The following NFIB variants were observed in gnomAD, a reference collection of about 807,000 sequenced individuals.
NFIB encodes the protein nuclear factor 1 B-type.
Under a neutral mutation model 61.5 loss-of-function variants are expected in NFIB, and 11 were observed. That is an observed-to-expected ratio of 0.18 (90% confidence interval 0.11 to 0.30). The LOEUF is 0.30. NFIB is among the 10% of genes least tolerant of loss of function. The pLI, the probability that NFIB is intolerant of heterozygous loss-of-function variation, is 1.00. For missense variants in NFIB, 471 were observed against 608.9 expected, an observed-to-expected ratio of 0.77 and a Z score of 2.38; for synonymous variants, 260 against 216.5, an observed-to-expected ratio of 1.20 and a Z score of -1.76.
chr9:14,249,416 A>C (rs2055319986), intron 2 of NFIB, among the ~76,000 whole-genome samples: 1 of 152,164 alleles, frequency 6.6e-6, no homozygotes, highest in Non-Finnish European at 1.5e-5. Flanking sequence ...CCTTTGTTTT[A>C]TGCTCTTATA....
At chr9:14,513,563 G>C in the NFIB span, among the ~76,000 whole-genome samples, 1 of 151,642 alleles carries the variant, frequency 6.6e-6, no homozygotes, top group East Asian at 1.9e-4. Flanking sequence ...GGGAGCCGGA[G>C]GGTGCAGTGA....
At chr9:14,510,109 A>G in the NFIB span, among the ~76,000 whole-genome samples, 5 of 152,284 alleles carry the variant, frequency 3.3e-5, no homozygotes, top group Non-Finnish European at 5.9e-5. Flanking sequence ...TTGGCCAGGC[A>G]GATCTTGAAC....
intron 1 of NFIB, among the ~76,000 whole-genome samples, chr9:14,341,856 T>C (rs921623087): frequency 2.6e-5 from 4 of 151,088 alleles, no homozygotes; most frequent in Non-Finnish European, 5.9e-5. Flanking sequence ...TCTCCATCAG[T>C]GAGTGCTTCC....
At chr9:14,105,699 T>A in intron 10 of NFIB, among the ~76,000 whole-genome samples, 1 of 152,178 alleles carries the variant, frequency 6.6e-6, no homozygotes, top group East Asian at 1.9e-4. Context: ...AGAAAATCAA[T>A]TTCTAATCTT....
intron 8 of NFIB, 135 bp from the exon 9 acceptor site, chr9:14,116,481 G>C (rs2038163069): frequency 1.2e-6 from 1 of 869,354 alleles, no homozygotes; most frequent in Non-Finnish European, 1.6e-6. Context: ...TCTCGAGTCG[G>C]AGTCGGAGAG....
At chr9:14,169,905 G>C (rs908354868) in intron 3 of NFIB, among the ~76,000 whole-genome samples, 1 of 152,174 alleles carries the variant, frequency 6.6e-6, no homozygotes, top group African/African-American at 2.4e-5. Context: ...TCACGGAGAA[G>C]GAAAGAAAAA....
In NFIB at chr9:14,355,039, G is replaced by A. The variant is rs563107288; in HGVS notation, c.108+43485C>T. 1.8e-4 allele frequency among the ~76,000 whole-genome samples: 27 copies of A among 151,030 alleles called. No homozygotes were observed. In the South Asian group the frequency reaches 4.6e-3, roughly 26 times the overall value. ...ACCCCTGCTTCAGGGATGGGGAGAT[G>A]CTGTGTGTGTGTGAGCATGTTTGGG... On this transcript the variant is annotated intron_variant, in intron 1 of 8. Transcript: ENST00000380934.
upstream of NFIB, among the ~76,000 whole-genome samples, chr9:14,399,378 C>T (rs1310908712): frequency 6.6e-6 from 1 of 152,162 alleles, no homozygotes; most frequent in Non-Finnish European, 1.5e-5. Flanking sequence ...TTGCAGCTGA[C>T]ATTAACACAG....
At chr9:14,488,286 C>T in the NFIB span, among the ~76,000 whole-genome samples, 1 of 151,610 alleles carries the variant, frequency 6.6e-6, no homozygotes. Context: ...TCACTTGAGC[C>T]CAGGAGGTAA....
chr9:14,321,769 A>T (rs1345170035), intron 1 of NFIB, among the ~76,000 whole-genome samples: 3 of 152,238 alleles, frequency 2.0e-5, no homozygotes, highest in Non-Finnish European at 4.4e-5. Flanking sequence ...TAGTTCTGCA[A>T]ATGCAGCACT....
At chr9:14,103,195 C>T (rs1276556759) in intron 10 of NFIB, among the ~76,000 whole-genome samples, 1 of 152,160 alleles carries the variant, frequency 6.6e-6, no homozygotes, top group African/African-American at 2.4e-5. Context: ...CTTCCCAGAT[C>T]TCCGAATCAT....
intron 3 of NFIB, among the ~76,000 whole-genome samples, chr9:14,172,097 C>G (rs55889691): frequency 0.024 from 3,576 of 152,124 alleles, 136 homozygotes; most frequent in African/African-American, 0.079. Flanking sequence ...AAGAACAGGA[C>G]AGAAAGAAAC....
intron 10 of NFIB, among the ~76,000 whole-genome samples, chr9:14,089,208 A>G (rs2033419681): frequency 6.6e-6 from 1 of 151,966 alleles, no homozygotes; most frequent in Non-Finnish European, 1.5e-5. Flanking sequence ...GCTCCTCCCC[A>G]TCAGTAATGA....
chr9:14,253,159 T>C (rs940327061), intron 2 of NFIB, among the ~76,000 whole-genome samples: 6 of 152,244 alleles, frequency 3.9e-5, no homozygotes, highest in African/African-American at 1.4e-4. Context: ...ACAGTTAGTG[T>C]TCCCTGATGG....
At chr9:14,479,520 G>C in the NFIB span, among the ~76,000 whole-genome samples, 26 of 152,146 alleles carry the variant, frequency 1.7e-4, no homozygotes, top group Admixed American at 2.0e-4. Context: ...TCATACACAG[G>C]ACAGTTCCTT....
chr9:14,249,663 A>G (rs1183354560), intron 2 of NFIB, among the ~76,000 whole-genome samples: 4 of 152,032 alleles, frequency 2.6e-5, no homozygotes, highest in Non-Finnish European at 5.9e-5. Flanking sequence ...AAAAATAGAA[A>G]GGAAGGAAGA....
intron 1 of NFIB, among the ~76,000 whole-genome samples, chr9:14,311,510 T>C (rs1019987794): frequency 1.3e-5 from 2 of 151,518 alleles, no homozygotes; most frequent in Non-Finnish European, 3.0e-5. Flanking sequence ...CCTAGATTTA[T>C]ATTATTAAAA....
intron 2 of NFIB, among the ~76,000 whole-genome samples, chr9:14,264,345 G>T (rs1467124414): frequency 1.3e-5 from 2 of 152,106 alleles, no homozygotes; most frequent in Non-Finnish European, 2.9e-5. Context: ...CCCATGGAAG[G>T]TTATTTCTAT....
chr9:14,199,886 T>A (rs551796439), intron 2 of NFIB, among the ~76,000 whole-genome samples: 9 of 152,322 alleles, frequency 5.9e-5, no homozygotes, highest in African/African-American at 2.2e-4. Context: ...GGCTCAATCA[T>A]ATTTGCTAAG....
Sources: allele counts gnomAD v4.1 joint callset (sites outside exome capture counted in the v4.1 genomes callset), GRCh38; gene constraint gnomAD v4.1.1; transcripts MANE v1.5; gene names NCBI Gene and HGNC (gene_info 2026-07-23, HGNC 2026-07-21).